MBD3: variants seen among roughly 807,000 people sequenced by gnomAD.
MBD3 encodes methyl-CpG binding domain protein 3, also known as methyl-CpG-binding domain protein 3.
Under a neutral mutation model 31.2 loss-of-function variants are expected in MBD3, and 13 were observed. That is an observed-to-expected ratio of 0.42 (90% CI 0.27 to 0.66). MBD3 has a LOEUF of 0.66. Among genes scored for constraint, MBD3 ranks in the 30% least tolerant of loss-of-function variants. The pLI, the probability that MBD3 is intolerant of heterozygous loss-of-function variation, is 0.26. For synonymous variants in MBD3, 223 were observed against 187.4 expected, an observed-to-expected ratio of 1.19 and a Z score of -1.55; for missense variants, 440 against 426.5, an observed-to-expected ratio of 1.03 and a Z score of -0.28.
In MBD3 at chr19:1,581,830, C is replaced by T. The variant is rs371307667; in HGVS notation, c.500-561G>A. On this transcript the variant is annotated intron_variant, in intron 4 of 6. Transcript: ENST00000434436. The stretch of plus-strand genomic sequence containing the variant: ...TGTTGCCCAGGAGAGTGCAGTGGTG[C>T]GATCTCGGCTCACTGTAAGCTCCGC... 24 of 162,856 alleles carry T rather than the reference C, an allele frequency of 1.5e-4. No homozygotes were observed. The East Asian group carries it at 2.2e-3, about 15-fold the overall frequency. The allele number at this position is 162,856 out of a possible 1,614,324, so 10.1% of individuals were successfully genotyped here. A position where few individuals can be genotyped will look rare whatever the true frequency, so the allele number is the denominator to read the frequency against.
intron 5 of MBD3, among the ~76,000 whole-genome samples, chr19:1,580,844 G>C (rs1184130171): frequency 2.0e-5 from 3 of 152,190 alleles, no homozygotes; most frequent in Non-Finnish European, 4.4e-5. Context: ...AGTCCTCACG[G>C]ACTCAAAGGA....
In MBD3 at chr19:1,585,558, CTGAA is replaced by C; in HGVS notation, c.111-348_111-345del. On this transcript the variant is annotated intron_variant, in intron 1 of 6. Transcript: ENST00000434436. This position sits in a 1 kb window ranked among gnomAD's most constrained non-coding sequence, Gnocchi z 4.1. ...TCCAGACCCCCAACCCCGGTCCCCT[CTGAA>C]TCCTCCCCACCGTAGGCCCTGGCAG... 2.8e-6 allele frequency: 1 copy of C among 351,156 alleles called. No individual in the cohort carries two copies. The highest frequency in any genetic ancestry group is 5.4e-6 in the Non-Finnish European group (1 of 184,966). The allele number at this position is 351,156 out of a possible 1,614,324, so 21.8% of individuals were successfully genotyped here. A position where few individuals can be genotyped will look rare whatever the true frequency, so the allele number is the denominator to read the frequency against.
rs1053154685 is a variant in MBD3 at position 1,573,716 on chromosome 19, A to C, written c.*4448T>G. On this transcript the variant is annotated 3_prime_UTR_variant, in exon 7 of 7. Transcript: ENST00000434436. ...GCGTGGTTATTTTGGTAACCAGAGA[A>C]GGCTAAAAATTAAAACTGTGAAAAT... 15 of 152,210 alleles carry C rather than the reference A, an allele frequency of 9.9e-5. No homozygotes were observed. Among genetic ancestry groups the C allele is most frequent in the African/African-American group, 3.6e-4 (15 of 41,440 alleles). The allele number at this position is 152,210 out of a possible 1,614,324, so 9.4% of individuals were successfully genotyped here.
At position 1,585,660 on chromosome 19, in the gene MBD3, AGGAT is replaced by A. The variant is rs1056897825; in HGVS notation, c.111-450_111-447del. On this transcript the variant is annotated intron_variant, in intron 1 of 6. Transcript: ENST00000434436. This position sits in a 1 kb window ranked among gnomAD's most constrained non-coding sequence, Gnocchi z 4.1. Reference sequence around the variant, plus strand: ...CAGGGCTTTGGGCCCCGGCTCTGGGAGGATGGCTCACATGTCCAGAACATTCCAG... The same window carrying A: ...CAGGGCTTTGGGCCCCGGCTCTGGGAGGCTCACATGTCCAGAACATTCCAG... The A allele has an allele frequency of 4.7e-6, 1 of 212,320 alleles. No individual in the cohort carries two copies. The highest frequency in any genetic ancestry group is 9.6e-6 in the Non-Finnish European group (1 of 104,076). 13.2% of individuals were successfully genotyped at this position (212,320 alleles called of 1,614,324 possible). A position where few individuals can be genotyped will look rare whatever the true frequency, so the allele number is the denominator to read the frequency against.
rs920866184 is a variant in MBD3, at chr19:1,578,082, C to T, written c.*82G>A. 2.7e-5 allele frequency: 16 copies of T among 594,206 alleles called. No individual in the cohort carries two copies. Among genetic ancestry groups the T allele is most frequent in the Non-Finnish European group, 4.4e-5 (15 of 338,730 alleles). The allele number at this position is 594,206 out of a possible 1,614,324, so 36.8% of individuals were successfully genotyped here. A position where few individuals can be genotyped will look rare whatever the true frequency, so the allele number is the denominator to read the frequency against. ...TGTCTCCAAGGCTGGGCTTCGCCGCCGAGCCTGGTTCACGTGGGGCCGAGG... is the reference window on the plus strand; with the variant it reads ...TGTCTCCAAGGCTGGGCTTCGCCGCTGAGCCTGGTTCACGTGGGGCCGAGG... On this transcript the variant is annotated 3_prime_UTR_variant, in exon 7 of 7. Transcript: ENST00000434436. The surrounding 1 kb of genome is among the most constrained non-coding windows in gnomAD (Gnocchi z 6.1).
At chr19:1,584,971 T>C in intron 2 of MBD3, 84 bp downstream of exon 2, 2 of 1,565,208 alleles carry the variant, frequency 1.3e-6, no homozygotes, top group Non-Finnish European at 1.7e-6. Flanking sequence ...GACGCCGGGC[T>C]GTGTCGCCTG....
chr19:1,579,582 C>G (rs1398928897), intron 5 of MBD3, among the ~76,000 whole-genome samples: 1 of 152,070 alleles, frequency 6.6e-6, no homozygotes, highest in Non-Finnish European at 1.5e-5. Flanking sequence ...CAGCCGCCCC[C>G]TGCCTCCGGG....
At chr19:1,579,636 ACT>A (rs1037511733) in intron 5 of MBD3, among the ~76,000 whole-genome samples, 1 of 149,994 alleles carries the variant, frequency 6.7e-6, no homozygotes, top group African/African-American at 2.5e-5. Context: ...GCTCCCTCTC[ACT>A]CTGTCCCCAC....
At chr19:1,579,743 G>C (rs553512620) in intron 5 of MBD3, among the ~76,000 whole-genome samples, 2 of 152,134 alleles carry the variant, frequency 1.3e-5, no homozygotes, top group East Asian at 3.9e-4. Flanking sequence ...ACCCACCACC[G>C]AGTTCCTCAT....
In MBD3 at chr19:1,575,104, C is replaced by T. The variant is rs926362813; in HGVS notation, c.*3060G>A. 3.3e-5 allele frequency: 13 copies of T among 389,692 alleles called. No homozygotes were observed. Among genetic ancestry groups the T allele is most frequent in the African/African-American group, 2.1e-4 (10 of 48,268 alleles). 24.1% of individuals were successfully genotyped at this position (389,692 alleles called of 1,614,324 possible). A position where few individuals can be genotyped will look rare whatever the true frequency, so the allele number is the denominator to read the frequency against. On this transcript the variant is annotated 3_prime_UTR_variant, in exon 7 of 7. Transcript: ENST00000434436. ...GTGGGGAGCTTGGTCTGAGGGGAGG[C>T]GGGGGACACGTGAGGCTCTTGCTGC...
chr19:1,578,326 C>G lies in MBD3; in HGVS notation c.*5+9G>C. The G allele has an allele frequency of 6.2e-7, 1 of 1,601,770 alleles. No homozygotes were observed. The highest frequency in any genetic ancestry group is 8.5e-7 in the Non-Finnish European group (1 of 1,179,716). ...CCGACTCCAGGGAGCCCCCGTGGCCCCGCAGCACCTGCCCTAGACGTGCTC... is the reference window on the plus strand; with the variant it reads ...CCGACTCCAGGGAGCCCCCGTGGCCGCGCAGCACCTGCCCTAGACGTGCTC... On this transcript the variant is annotated intron_variant, in intron 6 of 6. Coordinates refer to ENST00000434436, the MANE Select transcript of MBD3 (RefSeq NM_001281453.2). The surrounding 1 kb of genome is among the most constrained non-coding windows in gnomAD (Gnocchi z 6.1).
Position 1,585,030 on chromosome 19 carries a change from T to A in MBD3, c.270+25A>T, listed in dbSNP as rs759569264. 8.1e-6 allele frequency: 13 copies of A among 1,609,030 alleles called. No homozygotes were observed. The highest frequency in any genetic ancestry group is 6.7e-5 in the East Asian group (3 of 44,814). On this transcript the variant is annotated intron_variant, in intron 2 of 6. Transcript: ENST00000434436. The surrounding 1 kb of genome is among the most constrained non-coding windows in gnomAD (Gnocchi z 4.1). ...CCGCCTAGAACGCCCCGCGCCGACG[T>A]CACCTGCGTGACGCCACCACTCACC... is the stretch of plus-strand genomic sequence containing the variant.
intron 3 of MBD3, chr19:1,583,396 A>AG (rs1178432782): frequency 5.3e-5 from 8 of 151,198 alleles, no homozygotes; most frequent in African/African-American, 1.9e-4. Context: ...ACAAAAAAAA[A>AG]AAAAAAAAAA....
rs1397551751 is a variant in MBD3 at position 1,576,937 on chromosome 19, G to A, written c.*1227C>T. 4 of 152,362 alleles carry A rather than the reference G, an allele frequency of 2.6e-5. No homozygotes were observed. The highest frequency in any genetic ancestry group is 5.9e-5 in the Non-Finnish European group (4 of 68,112). 9.4% of individuals were successfully genotyped at this position (152,362 alleles called of 1,614,324 possible). On this transcript the variant is annotated 3_prime_UTR_variant, in exon 7 of 7. Coordinates refer to ENST00000434436, the MANE Select transcript of MBD3 (RefSeq NM_001281453.2). ...CACTGCCTCCATGCGGGTCCTTGGA[G>A]GGCAGACGGTGGAGCGGCGCTTCCT...
intron 3 of MBD3, among the ~76,000 whole-genome samples, chr19:1,584,119 G>A (rs986411335): frequency 5.9e-5 from 9 of 152,096 alleles, no homozygotes; most frequent in African/African-American, 1.7e-4. Flanking sequence ...GTCACCGCGT[G>A]AGGCCATACT....
At chr19:1,584,973 T>C (rs535948330) in intron 2 of MBD3, 82 bp downstream of exon 2, 2 of 1,569,380 alleles carry the variant, frequency 1.3e-6, no homozygotes, top group South Asian at 2.3e-5. Flanking sequence ...CGCCGGGCTG[T>C]GTCGCCTGCA....
At chr19:1,583,153 G>A in intron 3 of MBD3, 1 of 189,136 alleles carries the variant, frequency 5.3e-6, no homozygotes, top group South Asian at 9.5e-5. Flanking sequence ...GCAGTGAGCT[G>A]AGACCGCACC....
intron 5 of MBD3, among the ~76,000 whole-genome samples, chr19:1,579,917 C>G (rs1458906623): frequency 6.6e-6 from 1 of 152,164 alleles, no homozygotes; most frequent in Non-Finnish European, 1.5e-5. Flanking sequence ...GCCAAAACAC[C>G]CAGCTAATTA....
At position 1,584,358 on chromosome 19, in the gene MBD3, AG is replaced by A. The variant is rs540076126; in HGVS notation, c.408+181del. On this transcript the variant is annotated intron_variant, in intron 3 of 6. Transcript: ENST00000434436. ...CAGCCTCCCCAGAAGCTGGGACCAC[AG>A]GCGGGCGCCACCACGTCCAGCTAAT... Among the ~76,000 whole-genome samples, 30 of 152,254 alleles carry A rather than the reference AG, an allele frequency of 2.0e-4. No homozygotes were observed. The East Asian group carries it at 5.6e-3, about 29-fold the overall frequency.
Sources: allele counts gnomAD v4.1 joint callset (sites outside exome capture counted in the v4.1 genomes callset), GRCh38; gene constraint gnomAD v4.1.1; non-coding constraint Gnocchi (gnomAD v3.1); transcripts MANE v1.5; gene names NCBI Gene and HGNC (gene_info 2026-07-23, HGNC 2026-07-21).